The following PRAMEF11 variants were observed in gnomAD, a reference collection of about 807,000 sequenced individuals.
PRAMEF11 encodes the protein PRAME family member 11.
In PRAMEF11, 17 loss-of-function variants were observed where a neutral mutation model predicts 33.6. The observed-to-expected ratio is 0.51, with a 90% CI of 0.35 to 0.76. PRAMEF11 has a LOEUF of 0.76. PRAMEF11 is among the 30% of genes least tolerant of loss of function. The probability of loss-of-function intolerance (pLI) is 0.01; values close to 1 mark genes in which losing one functional copy is unlikely to be tolerated. For missense variants in PRAMEF11, 568 were observed against 567.0 expected (o/e 1.00, Z -0.02); for synonymous variants, 205 against 227.3 (o/e 0.90, Z 0.88).
chr1:12,827,702 G>C lies in PRAMEF11; in HGVS notation c.422C>G (p.Pro141Arg). Residue 141 changes from proline (P) to arginine (R), a missense_variant, in exon 3 of 4, where the codon CCA (proline) becomes CGA (arginine). Transcript: ENST00000619922. ...CAAGGGCTGCCGTCCTCTCATCCTT[G>C]GACAGTCCTGCACTGGTTTTTTGTT... The part of the protein sequence containing the change: ...KRNKKPVQDC[P>R]RMRGRQPLTV... 1 of 1,609,760 alleles carries C rather than the reference G, an allele frequency of 6.2e-7. No homozygotes were observed. The highest frequency in any genetic ancestry group is 8.5e-7 in the Non-Finnish European group (1 of 1,177,984).
Position 12,827,059 on chromosome 1 carries a change from C to T in PRAMEF11, c.875+190G>A, listed in dbSNP as rs142013513. On this transcript the variant is annotated intron_variant, in intron 3 of 3. Transcript: ENST00000619922. ...CTATAGCATCTCCCCTGACTGATCC[C>T]TCTGACTCTATTGGGAGGGTTGCAT... 2.0e-5 allele frequency among the ~76,000 whole-genome samples: 3 copies of T among 151,334 alleles called. No homozygotes were observed. The South Asian group carries it at 6.4e-4, about 32-fold the overall frequency.
At position 12,828,578 on chromosome 1, in the gene PRAMEF11, A is replaced by T; in HGVS notation, c.212T>A (p.Leu71Gln). 1 of 1,608,190 alleles carries T rather than the reference A, an allele frequency of 6.2e-7. No homozygotes were observed. The highest frequency in any genetic ancestry group is 1.1e-5 in the South Asian group (1 of 90,376). Reference protein sequence around the residue: ...WPFRRLPLRPLIKMPCLEAFQ... With the variant: ...WPFRRLPLRPQIKMPCLEAFQ... Reference sequence around the variant, plus strand: ...GGCCTCCAGACAAGGCATCTTTATCAGAGGCCTCAGAGGGAGGCGGCGGAA... The same window carrying T: ...GGCCTCCAGACAAGGCATCTTTATCTGAGGCCTCAGAGGGAGGCGGCGGAA... The change falls in exon 2 of 4, where the codon CTG becomes CAG. Residue 71 changes from leucine (L) to glutamine (Q), a missense_variant. Physicochemically the swap from Leu to Gln is moderately radical, Grantham distance 113 (BLOSUM62 -2). Transcript: ENST00000619922.
At chr1:12,826,269 G>A (rs1639865151) in intron 3 of PRAMEF11, among the ~76,000 whole-genome samples, 1 of 150,764 alleles carries the variant, frequency 6.6e-6, no homozygotes, top group African/African-American at 2.4e-5. Context: ...CTGACCCTCT[G>A]TTTCAGAATC....
rs1359316989 is a variant in PRAMEF11, at chr1:12,825,143, C to G, written c.1236G>C (p.Leu412=). The G allele has an allele frequency of 1.9e-6, 3 of 1,609,222 alleles. No homozygotes were observed. The highest frequency in any genetic ancestry group is 2.5e-6 in the Non-Finnish European group (3 of 1,177,754). ...TTTCCTGCGGGGCAGGATACAGCTC[C>G]AGGCATAAGTTTTTGAGTATGATTG... is the stretch of plus-strand genomic sequence containing the variant. ...SHTIILKNLC[L]ELYPAPQESY... The change falls in exon 4 of 4, where the codon CTG becomes CTC. Residue 412 remains leucine (L), a synonymous_variant. Transcript: ENST00000619922.
Position 12,827,402 on chromosome 1 carries a change from A to C in PRAMEF11, c.722T>G (p.Leu241Arg). 6.2e-7 allele frequency: 1 copy of C among 1,605,756 alleles called. No homozygotes were observed. Among genetic ancestry groups the C allele is most frequent in the Non-Finnish European group, 8.5e-7 (1 of 1,177,942 alleles). ...GHLRNLQKLV[L>R]SHMDVSRYVS... Reference sequence around the variant, plus strand: ...GTAGCGAGAGACATCCATGTGGGAGAGAACGAGCTTCTGAAGATTCCTCAA... The same window carrying C: ...GTAGCGAGAGACATCCATGTGGGAGCGAACGAGCTTCTGAAGATTCCTCAA... The change falls in exon 3 of 4, where the codon CTC becomes CGC. Residue 241 changes from leucine (L) to arginine (R), a missense_variant. Leu to Arg is a moderately radical substitution (Grantham distance 102). Transcript: ENST00000619922.
chr1:12,828,853 C>T, intron 1 of PRAMEF11, 48 bp from the exon 2 acceptor site: 1 of 1,603,190 alleles, frequency 6.2e-7, no homozygotes, highest in Admixed American at 1.7e-5. Flanking sequence ...CAGGCCAAGC[C>T]CATGCAATCT....
At chr1:12,829,629 T>TGAA (rs1304964224) in intron 1 of PRAMEF11, among the ~76,000 whole-genome samples, 1 of 151,416 alleles carries the variant, frequency 6.6e-6, no homozygotes, top group African/African-American at 2.4e-5. Flanking sequence ...AAGCTGGTCT[T>TGAA]GAACTCCTAG....
rs559559495 is a variant in PRAMEF11, at chr1:12,830,713, C to T, written c.-17+643G>A. On this transcript the variant is annotated intron_variant, in intron 1 of 3. Transcript: ENST00000619922. ...AAAAAAAAAAAAAGTAGAGGCCAAGCACCAGTGACTCACAGCTGTAATCCC... is the reference window on the plus strand; with the variant it reads ...AAAAAAAAAAAAAGTAGAGGCCAAGTACCAGTGACTCACAGCTGTAATCCC... Among the ~76,000 whole-genome samples the T allele has an allele frequency of 3.6e-4, 54 of 150,402 alleles. 4 individuals are homozygous for T. The East Asian group carries it at 6.7e-3, about 19-fold the overall frequency.
intron 1 of PRAMEF11, among the ~76,000 whole-genome samples, chr1:12,829,396 C>T (rs565993103): frequency 6.7e-6 from 1 of 149,204 alleles, no homozygotes; most frequent in Non-Finnish European, 1.5e-5. Flanking sequence ...CTCTCTCTTT[C>T]TCTCTCTCCC....
At position 12,825,217 on chromosome 1, in the gene PRAMEF11, A is replaced by T. The variant is rs756838204; in HGVS notation, c.1162T>A (p.Cys388Ser). The part of the protein sequence containing the change: ...RCFELNTFSF[C>S]GNPICMATLE... ...GTGGCCATGCAGATGGGATTTCCAC[A>T]GAAGCTGAAGGTGTTGAGCTCAAAG... The change falls in exon 4 of 4, where the codon TGT (cysteine) becomes AGT (serine). Residue 388 changes from cysteine (C) to serine (S), a missense_variant. Around this residue, in one of 3 missense-constraint regions of PRAMEF11, gnomAD observed 174 missense variants for 127.2 expected, o/e 1.37. Coordinates refer to ENST00000619922, the MANE Select transcript of PRAMEF11 (RefSeq NM_001146344.3). 1.2e-6 allele frequency: 2 copies of T among 1,607,558 alleles called. No homozygotes were observed. Among genetic ancestry groups the T allele is most frequent in the South Asian group, 2.2e-5 (2 of 90,356 alleles).
At chr1:12,831,183 G>A (rs1198407816) in intron 1 of PRAMEF11, among the ~76,000 whole-genome samples, 173 bp downstream of exon 1, 1 of 150,816 alleles carries the variant, frequency 6.6e-6, no homozygotes, top group Non-Finnish European at 1.5e-5. Context: ...CAACTTTTTT[G>A]AAATAAAGAC....
chr1:12,828,288 C>T (rs574046341), intron 2 of PRAMEF11, among the ~76,000 whole-genome samples: 14 of 148,552 alleles, frequency 9.4e-5, no homozygotes, highest in African/African-American at 3.5e-4. Context: ...TTCATGGTGC[C>T]TTTCAGTGCC....
intron 1 of PRAMEF11, among the ~76,000 whole-genome samples, chr1:12,830,191 A>C (rs1307231220): frequency 2.0e-5 from 3 of 151,452 alleles, no homozygotes; most frequent in Non-Finnish European, 4.4e-5. Flanking sequence ...TTATCAAAAT[A>C]TTTCAGAGTT....
In PRAMEF11 at chr1:12,825,119, T is replaced by G. The variant is rs2994112; in HGVS notation, c.1260A>C (p.Glu420Asp). 6 of 1,609,538 alleles carry G rather than the reference T, an allele frequency of 3.7e-6. No individual in the cohort carries two copies. The highest frequency in any genetic ancestry group is 1.1e-5 in the South Asian group (1 of 90,488). Reference protein sequence around the residue: ...LCLELYPAPQESYGADGTLCW... With the variant: ...LCLELYPAPQDSYGADGTLCW... ...AGAGAGTACCATCAGCACCATAACTTTCCTGCGGGGCAGGATACAGCTCCA... is the reference window on the plus strand; with the variant it reads ...AGAGAGTACCATCAGCACCATAACTGTCCTGCGGGGCAGGATACAGCTCCA... Residue 420 changes from glutamate to aspartate, a missense_variant, in exon 4 of 4, where the codon GAA becomes GAC. By Grantham distance (45) the Glu-to-Asp change is conservative. Coordinates refer to ENST00000619922, the MANE Select transcript of PRAMEF11 (RefSeq NM_001146344.3).
chr1:12,829,307 C>A (rs1639956052), intron 1 of PRAMEF11, among the ~76,000 whole-genome samples: 1 of 135,230 alleles, frequency 7.4e-6, no homozygotes, highest in South Asian at 2.3e-4. Flanking sequence ...CCCTCTCTCC[C>A]TCCCTTCTTT....
rs880000448 is a variant in PRAMEF11 at position 12,826,018 on chromosome 1, T to C, written c.876-515A>G. Among the ~76,000 whole-genome samples the C allele has an allele frequency of 8.0e-5, 12 of 149,106 alleles. No individual in the cohort carries two copies. The East Asian group carries it at 1.0e-3, about 12-fold the overall frequency. On this transcript the variant is annotated intron_variant, in intron 3 of 3. Coordinates refer to ENST00000619922, the MANE Select transcript of PRAMEF11 (RefSeq NM_001146344.3). ...AATAATTCCATTTCAGGCTGAGTCA[T>C]TTCACCATCATTTATAGGAATGGAT...
intron 2 of PRAMEF11, among the ~76,000 whole-genome samples, 163 bp downstream of exon 2, chr1:12,828,334 T>G (rs1433940102): frequency 6.7e-6 from 1 of 148,738 alleles, no homozygotes; most frequent in African/African-American, 2.5e-5. Flanking sequence ...CTATGGACCT[T>G]GCCTGGTGAG....
chr1:12,827,450 T>C lies in PRAMEF11; in HGVS notation c.674A>G (p.Gln225Arg), dbSNP rs764344867. 26 of 1,610,302 alleles carry C rather than the reference T, an allele frequency of 1.6e-5. 1 individual carries two copies. The highest frequency in any genetic ancestry group is 2.1e-5 in the Non-Finnish European group (25 of 1,179,186). The change falls in exon 3 of 4, where the codon CAG becomes CGG. Residue 225 changes from glutamine (Q) to arginine (R), a missense_variant. Transcript: ENST00000619922. ...CAAGTGGCCCAGGTATGGGGTAAACTGTGTCAGGATGGGCAGTATCCACTT... is the reference window on the plus strand; with the variant it reads ...CAAGTGGCCCAGGTATGGGGTAAACCGTGTCAGGATGGGCAGTATCCACTT... Reference protein sequence around the residue: ...NCKWILPILTQFTPYLGHLRN... With the variant: ...NCKWILPILTRFTPYLGHLRN...
rs1389303918 is a variant in PRAMEF11, at chr1:12,827,277, G to A, written c.847C>T (p.Leu283Phe). 1 of 1,597,458 alleles carries A rather than the reference G, an allele frequency of 6.3e-7. No homozygotes were observed. Among genetic ancestry groups the A allele is most frequent in the African/African-American group, 1.3e-5 (1 of 74,594 alleles). ...QKLYMNSVSF[L>F]EGHLDQLLSC... Reference sequence around the variant, plus strand: ...AGCAGCTGGTCCAGGTGGCCTTCGAGGAAAGAAACAGAGTTCATATAAAGC... The same window carrying A: ...AGCAGCTGGTCCAGGTGGCCTTCGAAGAAAGAAACAGAGTTCATATAAAGC... The change falls in exon 3 of 4, where the codon CTC becomes TTC. Residue 283 changes from leucine to phenylalanine, a missense_variant. Coordinates refer to ENST00000619922, the MANE Select transcript of PRAMEF11 (RefSeq NM_001146344.3).
Sources: gnomAD v4.1 joint callset for allele counts (sites outside exome capture counted in the v4.1 genomes callset) on GRCh38, gnomAD v4.1.1 for gene constraint, gnomAD v4.1.1 regional missense constraint, MANE v1.5 for transcripts, NCBI Gene and HGNC (gene_info 2026-07-23, HGNC 2026-07-21) for gene names.